Variants in GALNT13 observed in about 807,000 individuals in gnomAD.
The protein encoded by GALNT13 is polypeptide N-acetylgalactosaminyltransferase 13.
A neutral mutation model predicts 64.2 loss-of-function variants in GALNT13; 28 were observed. The ratio of observed to expected loss-of-function variants is 0.44; its 90% CI spans 0.32 to 0.60. The LOEUF is 0.60. GALNT13 is among the 20% of genes least tolerant of loss of function. The probability of loss-of-function intolerance (pLI) is 0.05; values close to 1 mark genes in which losing one functional copy is unlikely to be tolerated. For synonymous variants in GALNT13, 214 were observed against 224.6 expected (o/e 0.95, Z 0.42); for missense variants, 577 against 669.8 (o/e 0.86, Z 1.53).
chr2:153,710,726 A>G, the GALNT13 span, among the ~76,000 whole-genome samples: 3 of 152,068 alleles, frequency 2.0e-5, no homozygotes, highest in Non-Finnish European at 4.4e-5. Flanking sequence ...GTTTATTATA[A>G]TATTACCCAC....
chr2:153,643,103 A>G, the GALNT13 span, among the ~76,000 whole-genome samples: 40,242 of 151,192 alleles, frequency 0.27, 6,071 homozygotes, highest in Admixed American at 0.38. Context: ...TAATATACAA[A>G]AGTTTGAAAA....
chr2:153,396,960 G>A, the GALNT13 span, among the ~76,000 whole-genome samples: 4 of 152,080 alleles, frequency 2.6e-5, no homozygotes, highest in Non-Finnish European at 5.9e-5. Context: ...GACATGTGTG[G>A]GGTCTGAGTA....
chr2:154,263,938 C>A (rs1690839477), intron 8 of GALNT13, among the ~76,000 whole-genome samples: 1 of 152,176 alleles, frequency 6.6e-6, no homozygotes. Context: ...ACAAGGAAAG[C>A]CTTACAATTG....
chr2:153,721,835 T>C, the GALNT13 span, among the ~76,000 whole-genome samples: 1 of 151,534 alleles, frequency 6.6e-6, no homozygotes, highest in African/African-American at 2.4e-5. Context: ...CAAAGAGACT[T>C]AGACTCCCAC....
intron 3 of GALNT13, among the ~76,000 whole-genome samples, chr2:154,097,774 A>C (rs962316600): frequency 2.0e-5 from 3 of 152,152 alleles, no homozygotes; most frequent in Admixed American, 6.6e-5. Context: ...GTCCATTACT[A>C]GAATGTGAAA....
chr2:153,759,392 G>C, the GALNT13 span, among the ~76,000 whole-genome samples: 1 of 152,116 alleles, frequency 6.6e-6, no homozygotes, highest in Non-Finnish European at 1.5e-5. Context: ...TGATCTTATA[G>C]GGAAAGTTGC....
At chr2:154,421,622 A>C (rs1700255844) in intron 11 of GALNT13, among the ~76,000 whole-genome samples, 1 of 149,650 alleles carries the variant, frequency 6.7e-6, no homozygotes, top group Admixed American at 6.7e-5. Context: ...ATCTATTCTT[A>C]ACATTAAAAG....
At chr2:153,397,919 T>A in the GALNT13 span, among the ~76,000 whole-genome samples, 111 of 152,056 alleles carry the variant, frequency 7.3e-4, no homozygotes, top group East Asian at 1.9e-4. Context: ...AGATTTTTTT[T>A]AATTTATTTT....
intron 3 of GALNT13, among the ~76,000 whole-genome samples, chr2:154,089,294 G>A (rs996336346): frequency 3.3e-5 from 5 of 151,902 alleles, no homozygotes; most frequent in Non-Finnish European, 5.9e-5. Context: ...TTGGCTTTAC[G>A]GGCAGGGTAC....
chr2:154,229,567 G>A (rs559679657), intron 4 of GALNT13, among the ~76,000 whole-genome samples: 63 of 152,106 alleles, frequency 4.1e-4, no homozygotes, highest in African/African-American at 1.2e-3. Flanking sequence ...AAGGAAAGGC[G>A]AATAAATATA....
chr2:154,135,179 C>T (rs2105561626), intron 3 of GALNT13, among the ~76,000 whole-genome samples: 1 of 152,130 alleles, frequency 6.6e-6, no homozygotes, highest in Non-Finnish European at 1.5e-5. Flanking sequence ...TGCTTTCTTC[C>T]TTCCTGCCTG....
At chr2:153,590,630 AAAGT>A in the GALNT13 span, among the ~76,000 whole-genome samples, 843 of 152,254 alleles carry the variant, frequency 5.5e-3, 7 homozygotes, top group African/African-American at 0.019. Context: ...AAAACACAAT[AAAGT>A]AAGTTTTATA....
the GALNT13 span, among the ~76,000 whole-genome samples, chr2:153,657,324 T>A: frequency 6.6e-6 from 1 of 152,110 alleles, no homozygotes; most frequent in Non-Finnish European, 1.5e-5. Context: ...TATGGCAGTG[T>A]CCAGAATGAG....
chr2:154,187,927 C>T (rs1053509353), intron 4 of GALNT13, among the ~76,000 whole-genome samples: 2 of 151,862 alleles, frequency 1.3e-5, no homozygotes, highest in African/African-American at 4.8e-5. Flanking sequence ...GTTCTTTTCT[C>T]TTAGTATTGA....
chr2:153,769,702 T>C, the GALNT13 span, among the ~76,000 whole-genome samples: 1 of 152,164 alleles, frequency 6.6e-6, no homozygotes, highest in African/African-American at 2.4e-5. Context: ...TTTCTTCCTC[T>C]CCCTCTGGAA....
At chr2:153,196,879 T>G in the GALNT13 span, among the ~76,000 whole-genome samples, 1 of 152,178 alleles carries the variant, frequency 6.6e-6, no homozygotes, top group Non-Finnish European at 1.5e-5. Flanking sequence ...CACTTGTCCC[T>G]GCTCCTGCTG....
intron 2 of GALNT13, among the ~76,000 whole-genome samples, chr2:153,910,167 G>A (rs1452801310): frequency 6.6e-6 from 1 of 151,970 alleles, no homozygotes; most frequent in African/African-American, 2.4e-5. Flanking sequence ...TTAGTCATGG[G>A]AGGGTATATG....
chr2:153,265,322 C>T, the GALNT13 span, among the ~76,000 whole-genome samples: 11 of 152,102 alleles, frequency 7.2e-5, no homozygotes, highest in South Asian at 2.1e-4. Context: ...ATCTCATGGT[C>T]GTGTGGCTTG....
At chr2:154,195,176 T>G (rs1408154645) in intron 4 of GALNT13, among the ~76,000 whole-genome samples, 1 of 152,094 alleles carries the variant, frequency 6.6e-6, no homozygotes, top group Non-Finnish European at 1.5e-5. Flanking sequence ...AATAAATACA[T>G]CATCTTAAAG....
Sources: allele counts gnomAD v4.1 joint callset (sites outside exome capture counted in the v4.1 genomes callset), GRCh38; gene constraint gnomAD v4.1.1; transcripts MANE v1.5; gene names NCBI Gene and HGNC (gene_info 2026-07-23, HGNC 2026-07-21).